USP30: variants seen among roughly 807,000 people sequenced by gnomAD.
The protein encoded by USP30 is ubiquitin specific peptidase 30.
A neutral mutation model predicts 68.2 loss-of-function variants in USP30; 41 were observed. The ratio of observed to expected loss-of-function variants is 0.60; its 90% CI spans 0.47 to 0.78. The LOEUF (loss-of-function observed/expected upper bound fraction) is 0.78. Ranked by LOEUF, USP30 falls within the 30% of genes least tolerant of loss-of-function variation. The pLI, the probability that USP30 is intolerant of heterozygous loss-of-function variation, is 0.00. For missense variants in USP30, 522 were observed against 649.4 expected, an observed-to-expected ratio of 0.80 and a Z score of 2.13; for synonymous variants, 229 against 253.7, an observed-to-expected ratio of 0.90 and a Z score of 0.93.
chr12:109,042,055 C>T (rs994906430), intron 3 of USP30, among the ~76,000 whole-genome samples: 4 of 151,522 alleles, frequency 2.6e-5, no homozygotes, highest in African/African-American at 9.7e-5. Context: ...AGAGAGATAA[C>T]CCAGAGTGAC....
At chr12:109,023,410 C>T (rs1300216522) in intron 1 of USP30, among the ~76,000 whole-genome samples, 3 of 152,098 alleles carry the variant, frequency 2.0e-5, no homozygotes, top group Non-Finnish European at 4.4e-5. Context: ...AAAAACTTAG[C>T]CAGGTGTGGT....
chr12:109,041,921 A>G (rs2040568063), intron 3 of USP30, among the ~76,000 whole-genome samples: 1 of 152,268 alleles, frequency 6.6e-6, no homozygotes, highest in East Asian at 1.9e-4. Flanking sequence ...GAATGACTGC[A>G]TAAAGAAAGA....
intron 2 of USP30, among the ~76,000 whole-genome samples, chr12:109,057,548 T>C (rs892422621): frequency 3.3e-5 from 5 of 152,240 alleles, no homozygotes; most frequent in African/African-American, 1.2e-4. Context: ...TGTTTTCTTC[T>C]GTTCTGAGAA....
chr12:109,067,107 ATTTTTTTTTTTTTTT>A (rs754748366), intron 3 of USP30, among the ~76,000 whole-genome samples: 201 of 104,594 alleles, frequency 1.9e-3, no homozygotes, highest in Admixed American at 7.2e-3. Context: ...ACAGTCCTTA[ATTTTTTTTTTTTTTT>A]TTTTTTTTTG....
intron 7 of USP30, among the ~76,000 whole-genome samples, chr12:109,075,333 T>G (rs915894796): frequency 1.3e-5 from 2 of 152,172 alleles, no homozygotes; most frequent in Non-Finnish European, 2.9e-5. Context: ...CTCCACACCC[T>G]CGGCAACACT....
At chr12:109,025,991 G>C (rs377087654) in intron 2 of USP30, among the ~76,000 whole-genome samples, 1 of 151,932 alleles carries the variant, frequency 6.6e-6, no homozygotes, top group Non-Finnish European at 1.5e-5. Flanking sequence ...GGCATGAAGC[G>C]TTTTTTAAGT....
chr12:109,073,475 A>G lies in USP30; in HGVS notation c.663A>G (p.Gln221=). Residue 221 remains glutamine, a synonymous_variant, in exon 7 of 13, where the codon CAA becomes CAG. Coordinates refer to ENST00000257548, the MANE Select transcript of USP30 (RefSeq NM_032663.5). ...CTACATCCAATCACTGGAAGTCTCA[A>G]CATCCTTTTCATGGAAGACTCACTA... The part of the protein sequence containing the change: ...PHPTSNHWKS[Q]HPFHGRLTSN... The G allele has an allele frequency of 6.2e-7, 1 of 1,614,168 alleles. No individual in the cohort carries two copies. Among genetic ancestry groups the G allele is most frequent in the Non-Finnish European group, 8.5e-7 (1 of 1,179,974 alleles).
chr12:109,072,507 A>G (rs2041477712), intron 6 of USP30, among the ~76,000 whole-genome samples, 157 bp downstream of exon 6: 1 of 152,166 alleles, frequency 6.6e-6, no homozygotes, highest in Admixed American at 6.5e-5. Context: ...AATAGCTTTA[A>G]ATAGATTCTC....
chr12:109,081,941 A>G lies in USP30; in HGVS notation c.789A>G (p.Pro263=), dbSNP rs756557532. 8.7e-6 allele frequency: 14 copies of G among 1,614,042 alleles called. No homozygotes were observed. The highest frequency in any genetic ancestry group is 1.6e-4 in the Middle Eastern group (1 of 6,062). Residue 263 remains proline, a synonymous_variant, in exon 9 of 13, where the codon CCA becomes CCG. Coordinates refer to ENST00000257548, the MANE Select transcript of USP30 (RefSeq NM_032663.5). ...TTCTTCTCATGCTGTAGGGTCACCC[A>G]TTGACCCTGGACCACTGCCTTCACC... is the stretch of plus-strand genomic sequence containing the variant. ...LSIPAATWGH[P]LTLDHCLHHF... is the part of the protein sequence containing the mutation.
chr12:109,073,376 G>T (rs534533565), intron 6 of USP30, 62 bp from the exon 7 acceptor site: 2 of 1,144,652 alleles, frequency 1.7e-6, no homozygotes, highest in African/African-American at 1.5e-5. Flanking sequence ...AAAGGAAGAT[G>T]AATGTTGAGC....
chr12:109,073,743 A>G (rs2041514464), intron 7 of USP30, among the ~76,000 whole-genome samples: 2 of 152,216 alleles, frequency 1.3e-5, no homozygotes, highest in African/African-American at 4.8e-5. Context: ...CAACAGACCC[A>G]CTGTGGATTG....
At chr12:109,079,464 A>G (rs34327153) in intron 7 of USP30, among the ~76,000 whole-genome samples, 1,870 of 144,354 alleles carry the variant, frequency 0.013, 15 homozygotes, top group African/African-American at 0.022. Flanking sequence ...CCCAGGCTCA[A>G]GTTATCCTCC....
At chr12:109,084,689 A>C (rs1204923365) in intron 11 of USP30, among the ~76,000 whole-genome samples, 2 of 152,262 alleles carry the variant, frequency 1.3e-5, no homozygotes, top group Admixed American at 1.3e-4. Flanking sequence ...GGCATTAGCA[A>C]ACAGGGCTAG....
At chr12:109,042,905 G>A (rs1014119327) in intron 3 of USP30, among the ~76,000 whole-genome samples, 12 of 152,080 alleles carry the variant, frequency 7.9e-5, no homozygotes, top group African/African-American at 2.2e-4. Context: ...CAGCAAAGTA[G>A]CAGGATACAA....
intron 1 of USP30, among the ~76,000 whole-genome samples, chr12:109,023,579 G>A (rs1306719376): frequency 1.5e-5 from 2 of 135,864 alleles, no homozygotes; most frequent in African/African-American, 5.5e-5. Context: ...TAAATAAATA[G>A]CCCCCTTATC....
upstream of USP30, among the ~76,000 whole-genome samples, chr12:109,049,515 A>G (rs976106892): frequency 6.6e-6 from 1 of 152,210 alleles, no homozygotes; most frequent in African/African-American, 2.4e-5. Flanking sequence ...TAGGTGTAAT[A>G]ATAATGAAAA....
At chr12:109,028,621 GCGTGTGCCAAC>G (rs2040461035) in intron 3 of USP30, among the ~76,000 whole-genome samples, 1 of 152,112 alleles carries the variant, frequency 6.6e-6, no homozygotes. Context: ...GAGATTACAG[GCGTGTGCCAAC>G]ACGCCTGGCT....
chr12:109,029,711 GA>G, intron 3 of USP30, among the ~76,000 whole-genome samples: 1 of 152,160 alleles, frequency 6.6e-6, no homozygotes. Flanking sequence ...CATGAGGTTA[GA>G]AAGGGACCTG....
intron 3 of USP30, among the ~76,000 whole-genome samples, chr12:109,067,270 C>T (rs1473605279): frequency 3.0e-5 from 4 of 132,146 alleles, no homozygotes; most frequent in Non-Finnish European, 5.1e-5. Context: ...CCCACCACCA[C>T]GCCCGGCTAA....
Sources: gnomAD v4.1 joint callset for allele counts (sites outside exome capture counted in the v4.1 genomes callset) on GRCh38, gnomAD v4.1.1 for gene constraint, MANE v1.5 for transcripts, NCBI Gene and HGNC (gene_info 2026-07-23, HGNC 2026-07-21) for gene names.